Variants in POLR3B observed in about 807,000 individuals in gnomAD.
POLR3B encodes the protein RNA polymerase III subunit B, also known as DNA-directed RNA polymerase III subunit RPC2.
Under a neutral mutation model 147.4 loss-of-function variants are expected in POLR3B, and 96 were observed. The observed-to-expected ratio is 0.65, with a 90% CI of 0.55 to 0.77. The LOEUF is 0.77. POLR3B is among the 30% of genes least tolerant of loss of function. POLR3B has a pLI of 0.00. For missense variants in POLR3B, 1,036 were observed against 1,413.5 expected, an observed-to-expected ratio of 0.73 and a Z score of 4.28; for synonymous variants, 461 against 485.9, an observed-to-expected ratio of 0.95 and a Z score of 0.67.
chr12:106,484,944 G>C (rs1024252962), intron 23 of POLR3B, among the ~76,000 whole-genome samples: 5 of 152,096 alleles, frequency 3.3e-5, no homozygotes, highest in South Asian at 2.1e-4. Context: ...GTGACAGAAG[G>C]ATGATGGGGG....
At chr12:106,469,846 T>A (rs1314204109) in intron 23 of POLR3B, among the ~76,000 whole-genome samples, 1 of 152,242 alleles carries the variant, frequency 6.6e-6, no homozygotes, top group Non-Finnish European at 1.5e-5. Flanking sequence ...GTTCCCTTTG[T>A]GGGTAACCCG....
chr12:106,369,862 A>C (rs2036580686), intron 6 of POLR3B, among the ~76,000 whole-genome samples, 179 bp downstream of exon 6: 1 of 152,184 alleles, frequency 6.6e-6, no homozygotes, highest in Non-Finnish European at 1.5e-5. Flanking sequence ...ACTATTTATT[A>C]ATTGTGAAAC....
chr12:106,458,843 G>T (rs1337956082), intron 21 of POLR3B, among the ~76,000 whole-genome samples: 1 of 152,144 alleles, frequency 6.6e-6, no homozygotes, highest in Non-Finnish European at 1.5e-5. Flanking sequence ...GAAATATTTT[G>T]ATTTCCTTGT....
chr12:106,447,229 C>T (rs1203041805), intron 19 of POLR3B, among the ~76,000 whole-genome samples: 1 of 152,082 alleles, frequency 6.6e-6, no homozygotes, highest in African/African-American at 2.4e-5. Flanking sequence ...AAAATTTGCT[C>T]TCTACCATTC....
chr12:106,395,834 G>A (rs1267547048), intron 10 of POLR3B, among the ~76,000 whole-genome samples: 1 of 152,122 alleles, frequency 6.6e-6, no homozygotes, highest in African/African-American at 2.4e-5. Flanking sequence ...GCCGGGCGTG[G>A]TGGTGGGTGC....
intron 12 of POLR3B, among the ~76,000 whole-genome samples, chr12:106,422,137 G>A (rs546083206): frequency 5.9e-5 from 9 of 152,302 alleles, no homozygotes; most frequent in African/African-American, 1.7e-4. Flanking sequence ...TGTAATCCCC[G>A]ATGCTGGACG....
chr12:106,463,242 G>T (rs1333662619), intron 22 of POLR3B, among the ~76,000 whole-genome samples: 2 of 152,074 alleles, frequency 1.3e-5, no homozygotes, highest in Non-Finnish European at 2.9e-5. Context: ...ATAACAGTAT[G>T]GACTGTTGTG....
chr12:106,453,920 C>T (rs1188129087), intron 19 of POLR3B, among the ~76,000 whole-genome samples: 1 of 152,186 alleles, frequency 6.6e-6, no homozygotes. Context: ...GTTTTTGGCA[C>T]AGAGTAGATG....
chr12:106,469,463 T>G lies in POLR3B; in HGVS notation c.2713+5843T>G, dbSNP rs529237287. On this transcript the variant is annotated intron_variant, in intron 23 of 27. Transcript: ENST00000228347. ...AGCCCATTTACATTTAAGGTTAATA[T>G]TGTTATGTGTGAATTTGATCCTGTC... Among the ~76,000 whole-genome samples the G allele has an allele frequency of 9.7e-4, 148 of 152,290 alleles. 1 individual carries two copies. Among genetic ancestry groups the G allele is most frequent in the African/African-American group, 3.4e-3 (141 of 41,550 alleles).
chr12:106,453,909 A>G (rs2037831980), intron 19 of POLR3B, among the ~76,000 whole-genome samples: 1 of 152,176 alleles, frequency 6.6e-6, no homozygotes, highest in Non-Finnish European at 1.5e-5. Context: ...TTTTATCTCC[A>G]GTTTTTGGCA....
chr12:106,430,736 C>T (rs1272949364), intron 14 of POLR3B, among the ~76,000 whole-genome samples: 5 of 151,958 alleles, frequency 3.3e-5, no homozygotes. Flanking sequence ...TTAGTTTATC[C>T]CAAAATCAAA....
At chr12:106,440,588 A>G (rs746102065) in intron 18 of POLR3B, among the ~76,000 whole-genome samples, 8 of 152,088 alleles carry the variant, frequency 5.3e-5, no homozygotes, top group Non-Finnish European at 1.2e-4. Flanking sequence ...CTCTGCCTGG[A>G]GCACTCTCTC....
chr12:106,421,712 T>TA (rs1303266635), intron 12 of POLR3B, among the ~76,000 whole-genome samples: 12 of 151,754 alleles, frequency 7.9e-5, no homozygotes, highest in Non-Finnish European at 7.4e-5. Context: ...TATATATATA[T>TA]TTTTTGAGAC....
intron 20 of POLR3B, among the ~76,000 whole-genome samples, chr12:106,456,326 C>T (rs2037862484): frequency 6.6e-6 from 1 of 151,892 alleles, no homozygotes; most frequent in Admixed American, 6.6e-5. Flanking sequence ...TATTTTTCTT[C>T]CTTTTCTTTT....
chr12:106,478,759 G>T (rs1054504561), intron 23 of POLR3B, among the ~76,000 whole-genome samples: 5 of 151,876 alleles, frequency 3.3e-5, no homozygotes, highest in Admixed American at 2.6e-4. Context: ...AATGCACATG[G>T]TTTTAAAAGG....
chr12:106,458,442 C>G (rs1253010090), intron 21 of POLR3B, among the ~76,000 whole-genome samples: 1 of 152,080 alleles, frequency 6.6e-6, no homozygotes, highest in Non-Finnish European at 1.5e-5. Flanking sequence ...ATCCTAAAAG[C>G]AATGATATAT....
intron 10 of POLR3B, among the ~76,000 whole-genome samples, chr12:106,399,625 T>A (rs1260363765): frequency 6.6e-6 from 1 of 152,144 alleles, no homozygotes. Context: ...TAACAGCGGA[T>A]CTCTCAGCAG....
At chr12:106,377,063 C>A (rs956947834) in intron 7 of POLR3B, among the ~76,000 whole-genome samples, 1 of 152,258 alleles carries the variant, frequency 6.6e-6, no homozygotes. Context: ...CAAGAATAAT[C>A]TTCCAGAGTT....
chr12:106,393,699 C>T (rs559110443), intron 10 of POLR3B, among the ~76,000 whole-genome samples: 121 of 151,218 alleles, frequency 8.0e-4, no homozygotes, highest in Non-Finnish European at 1.5e-3. Flanking sequence ...CCTTCATTGA[C>T]CTGCTCAGGC....
Sources: allele counts gnomAD v4.1 joint callset (sites outside exome capture counted in the v4.1 genomes callset), GRCh38; gene constraint gnomAD v4.1.1; transcripts MANE v1.5; gene names NCBI Gene and HGNC (gene_info 2026-07-23, HGNC 2026-07-21).